Variants in FRAS1 observed in about 807,000 individuals in gnomAD.
FRAS1 encodes the protein extracellular matrix organizing protein FRAS1.
In FRAS1, 290 loss-of-function variants were observed where a neutral mutation model predicts 435.2. The ratio of observed to expected loss-of-function variants is 0.67; its 90% CI spans 0.61 to 0.73. The LOEUF (loss-of-function observed/expected upper bound fraction) is 0.73, where lower values mean the gene tolerates loss of function less well. Ranked by LOEUF, FRAS1 falls within the 30% of genes least tolerant of loss-of-function variation. FRAS1 has a pLI of 0.00. For synonymous variants in FRAS1, 1,800 were observed against 1,851.0 expected, an observed-to-expected ratio of 0.97 and a Z score of 0.71; for missense variants, 4,860 against 5,001.5, an observed-to-expected ratio of 0.97 and a Z score of 0.85.
chr4:78,398,370 G>GGT (rs1269863688), intron 29 of FRAS1, among the ~76,000 whole-genome samples: 1 of 152,200 alleles, frequency 6.6e-6, no homozygotes, highest in Non-Finnish European at 1.5e-5. Context: ...GAAAGTCTGT[G>GGT]GTGGGACCTG....
intron 32 of FRAS1, among the ~76,000 whole-genome samples, chr4:78,414,245 T>A (rs966181808): frequency 1.3e-5 from 2 of 152,218 alleles, no homozygotes; most frequent in Non-Finnish European, 2.9e-5. Flanking sequence ...TTCTCTAAAC[T>A]GTTAAGAAAA....
At chr4:78,122,123 C>T (rs1198160784) in intron 2 of FRAS1, among the ~76,000 whole-genome samples, 1 of 151,748 alleles carries the variant, frequency 6.6e-6, no homozygotes. Flanking sequence ...GTTATCTATC[C>T]CCTAGCCCCC....
intron 33 of FRAS1, among the ~76,000 whole-genome samples, chr4:78,421,290 GGTGC>G (rs538405701): frequency 8.3e-4 from 127 of 152,120 alleles, no homozygotes; most frequent in Middle Eastern, 6.8e-3. Flanking sequence ...TGGGATTACG[GGTGC>G]GTGCCACCAT....
chr4:78,509,281 C>T (rs1578365162), intron 63 of FRAS1, among the ~76,000 whole-genome samples: 1 of 152,198 alleles, frequency 6.6e-6, no homozygotes, highest in Non-Finnish European at 1.5e-5. Context: ...GAGTCTCAGT[C>T]TCCTGATCTG....
rs138459125 is a variant in FRAS1, at chr4:78,076,904, G to A, written c.108+10888G>A. On this transcript the variant is annotated intron_variant, in intron 2 of 73. Coordinates refer to ENST00000512123, the MANE Select transcript of FRAS1 (RefSeq NM_025074.7). The stretch of plus-strand genomic sequence containing the variant: ...TACTCTGTTCATTTATGATTAGGAT[G>A]AAAAATTCTCAATAACACCAGTCAG... Among the ~76,000 whole-genome samples the A allele has an allele frequency of 1.2e-3, 190 of 152,268 alleles. 3 individuals are homozygous for A. The highest frequency in any genetic ancestry group is 4.4e-3 in the African/African-American group (184 of 41,548).
intron 29 of FRAS1, among the ~76,000 whole-genome samples, chr4:78,391,560 T>C (rs1345719183): frequency 2.0e-5 from 3 of 152,234 alleles, no homozygotes; most frequent in Non-Finnish European, 4.4e-5. Context: ...GGAATTGTCT[T>C]CTTTTTCATT....
intron 14 of FRAS1, among the ~76,000 whole-genome samples, chr4:78,306,498 A>G (rs946115227): frequency 2.7e-5 from 2 of 73,068 alleles, no homozygotes; most frequent in Non-Finnish European, 5.9e-5. Context: ...TTTCAGGTAC[A>G]CCAATCAGAC....
chr4:78,206,651 T>C (rs1723271149), intron 2 of FRAS1, among the ~76,000 whole-genome samples: 1 of 152,242 alleles, frequency 6.6e-6, no homozygotes, highest in South Asian at 2.1e-4. Context: ...ATTTCATCTT[T>C]TCTTTATCAG....
intron 2 of FRAS1, among the ~76,000 whole-genome samples, chr4:78,140,283 C>A (rs550251178): frequency 1.3e-5 from 2 of 152,114 alleles, no homozygotes; most frequent in Non-Finnish European, 2.9e-5. Flanking sequence ...TATTTAGTCA[C>A]ATTCAAATTT....
At chr4:78,518,422 G>GTATATATATATATATATATATATATA (rs71216219) in intron 66 of FRAS1, among the ~76,000 whole-genome samples, 1 of 135,746 alleles carries the variant, frequency 7.4e-6, no homozygotes, top group African/African-American at 3.0e-5. Context: ...TTTTTGTTGT[G>GTATATATATATATATATATATATATA]TATATATATA....
At chr4:78,446,976 G>A in intron 43 of FRAS1, 96 bp downstream of exon 43, 1 of 1,201,490 alleles carries the variant, frequency 8.3e-7, no homozygotes, top group Non-Finnish European at 1.2e-6. Flanking sequence ...TTCTTTTCTT[G>A]TATATGGTAC....
intron 19 of FRAS1, among the ~76,000 whole-genome samples, chr4:78,335,030 G>A (rs2110262024): frequency 6.6e-6 from 1 of 152,176 alleles, no homozygotes; most frequent in Middle Eastern, 3.4e-3. Context: ...CAAATCGCGG[G>A]ATTACAGGTG....
chr4:78,521,515 C>A lies in FRAS1; in HGVS notation c.10541-8C>A. On this transcript the variant is annotated splice_polypyrimidine_tract_variant and splice_region_variant and intron_variant, in intron 67 of 73. Coordinates refer to ENST00000512123, the MANE Select transcript of FRAS1 (RefSeq NM_025074.7). ...GCCCTAGCATTTTCTCTCTGCTTTC[C>A]TGCCCAGGAATCCAGACAGACAGCG... The A allele has an allele frequency of 1.2e-6, 2 of 1,604,838 alleles. No homozygotes were observed. Among genetic ancestry groups the A allele is most frequent in the Non-Finnish European group, 1.7e-6 (2 of 1,174,400 alleles).
At chr4:78,307,078 C>G (rs1268319598) in intron 14 of FRAS1, among the ~76,000 whole-genome samples, 1 of 152,174 alleles carries the variant, frequency 6.6e-6, no homozygotes, top group Non-Finnish European at 1.5e-5. Flanking sequence ...AGTTTTCCTT[C>G]TAACAGACAG....
At chr4:78,172,839 T>C (rs560641407) in intron 2 of FRAS1, among the ~76,000 whole-genome samples, 2 of 152,132 alleles carry the variant, frequency 1.3e-5, no homozygotes, top group South Asian at 2.1e-4. Flanking sequence ...GAGTTCTTGA[T>C]TGAAGAGCTC....
At chr4:78,347,470 A>G (rs536216978) in intron 20 of FRAS1, among the ~76,000 whole-genome samples, 1 of 152,292 alleles carries the variant, frequency 6.6e-6, no homozygotes, top group East Asian at 1.9e-4. Context: ...TGCCCATTGC[A>G]TTAGCTGTAA....
intron 30 of FRAS1, among the ~76,000 whole-genome samples, chr4:78,401,996 CTGTAG>C (rs1732913231): frequency 6.6e-6 from 1 of 151,840 alleles, no homozygotes; most frequent in Non-Finnish European, 1.5e-5. Flanking sequence ...AGGAAATAAT[CTGTAG>C]TACCATAACC....
intron 47 of FRAS1, among the ~76,000 whole-genome samples, chr4:78,463,523 A>C (rs904625827): frequency 6.6e-6 from 1 of 152,200 alleles, no homozygotes; most frequent in Non-Finnish European, 1.5e-5. Flanking sequence ...ATATTCAATA[A>C]AATTATGGCA....
Position 78,511,269 on chromosome 4 carries a change from G to T in FRAS1, c.9781-5G>T, listed in dbSNP as rs1051499714. On this transcript the variant is annotated splice_polypyrimidine_tract_variant and splice_region_variant and intron_variant, in intron 63 of 73. Transcript: ENST00000512123. ...ACATTGGAGGTGATTTTTTCTTCCT[G>T]TTAGGTCCTGGACAGCATTTACTTC... 5.1e-6 allele frequency: 8 copies of T among 1,573,086 alleles called. No individual in the cohort carries two copies. The highest frequency in any genetic ancestry group is 3.6e-5 in the Admixed American group (2 of 56,036).
Sources: gnomAD v4.1 joint callset for allele counts (sites outside exome capture counted in the v4.1 genomes callset) on GRCh38, gnomAD v4.1.1 for gene constraint, MANE v1.5 for transcripts, NCBI Gene and HGNC (gene_info 2026-07-23, HGNC 2026-07-21) for gene names.